Variants in STAU2 observed in about 807,000 individuals in gnomAD.
STAU2 encodes staufen double-stranded RNA binding protein 2.
A neutral mutation model predicts 65.9 loss-of-function variants in STAU2; 20 were observed. The ratio of observed to expected loss-of-function variants is 0.30; its 90% CI spans 0.21 to 0.44. The LOEUF is 0.44. STAU2 is among the 20% of genes least tolerant of loss of function. STAU2 has a pLI of 1.00. For missense variants in STAU2, 558 were observed against 683.9 expected, an observed-to-expected ratio of 0.82 and a Z score of 2.05; for synonymous variants, 232 against 233.9, an observed-to-expected ratio of 0.99 and a Z score of 0.07.
At chr8:73,666,320 C>T (rs1817240052) in intron 6 of STAU2, among the ~76,000 whole-genome samples, 1 of 152,128 alleles carries the variant, frequency 6.6e-6, no homozygotes, top group South Asian at 2.1e-4. Context: ...AGAATCTTGG[C>T]TATTATTAAT....
chr8:73,545,037 T>C (rs1431884141), intron 13 of STAU2, among the ~76,000 whole-genome samples: 1 of 152,226 alleles, frequency 6.6e-6, no homozygotes, highest in African/African-American at 2.4e-5. Context: ...AAATGTTCCA[T>C]GTCCTGTGCT....
At chr8:73,711,525 C>T (rs1820901226) in intron 3 of STAU2, among the ~76,000 whole-genome samples, 1 of 152,094 alleles carries the variant, frequency 6.6e-6, no homozygotes, top group African/African-American at 2.4e-5. Context: ...AGTAATGCTG[C>T]ATATTCATCT....
intron 4 of STAU2, among the ~76,000 whole-genome samples, chr8:73,706,625 G>C (rs1344437677): frequency 6.6e-6 from 1 of 152,092 alleles, no homozygotes; most frequent in Non-Finnish European, 1.5e-5. Flanking sequence ...TCAATATCAT[G>C]TTTCACTCAA....
intron 6 of STAU2, among the ~76,000 whole-genome samples, chr8:73,642,448 G>A (rs1201952987): frequency 3.3e-5 from 5 of 152,118 alleles, no homozygotes; most frequent in East Asian, 3.9e-4. Flanking sequence ...TCTTGAACCC[G>A]GGAGGCGGAG....
In STAU2 at chr8:73,627,211, GGGGGGGGGGGGA is replaced by G. The variant is rs777117611; in HGVS notation, c.411-9772_411-9761del. On this transcript the variant is annotated intron_variant, in intron 6 of 14. Transcript: ENST00000524300. ...GAGTGATGCTGCAGGAATACGGCGG[GGGGGGGGGGGGA>G]GGGGGGGGCAGGAGGGCGGGTTCCC... 0.017 allele frequency among the ~76,000 whole-genome samples: 776 copies of G among 45,060 alleles called. 139 individuals carry two copies. The East Asian group carries it at 0.23, about 13-fold the overall frequency. The allele number at this position is 45,060 out of a possible 152,430, so 29.6% of individuals were successfully genotyped here. A position where few individuals can be genotyped will look rare whatever the true frequency, so the allele number is the denominator to read the frequency against.
At chr8:73,438,486 T>A (rs560449653) in intron 13 of STAU2, among the ~76,000 whole-genome samples, 2 of 152,212 alleles carry the variant, frequency 1.3e-5, no homozygotes, top group Admixed American at 1.3e-4. Context: ...CCACTCAGAT[T>A]GGCTGCAGCC....
chr8:73,603,313 C>G (rs1811775713), intron 10 of STAU2, among the ~76,000 whole-genome samples: 1 of 152,158 alleles, frequency 6.6e-6, no homozygotes, highest in Non-Finnish European at 1.5e-5. Flanking sequence ...CTCTCTTTTT[C>G]TAACTTTCCT....
chr8:73,669,642 T>TCTCTCTCTCTCTCTCTCTCTCTCTCC (rs1328145636), intron 6 of STAU2, among the ~76,000 whole-genome samples: 9 of 142,584 alleles, frequency 6.3e-5, no homozygotes, highest in African/African-American at 2.4e-4. Flanking sequence ...TGGAATTCTC[T>TCTCTCTCTCTCTCTCTCTCTCTCTCC]CTCTCTCTCT....
intron 4 of STAU2, among the ~76,000 whole-genome samples, chr8:73,692,836 G>GA (rs1173810680): frequency 6.6e-6 from 1 of 152,064 alleles, no homozygotes; most frequent in African/African-American, 2.4e-5. Context: ...CGCTGGCGTG[G>GA]AAAAAAACCC....
At chr8:73,610,522 G>A (rs1169761787) in intron 9 of STAU2, among the ~76,000 whole-genome samples, 1 of 126,674 alleles carries the variant, frequency 7.9e-6, no homozygotes, top group Non-Finnish European at 1.6e-5. Flanking sequence ...TTGGGAGACA[G>A]AGTTAGACCC....
At chr8:73,630,389 C>G (rs565550770) in intron 6 of STAU2, among the ~76,000 whole-genome samples, 1 of 152,296 alleles carries the variant, frequency 6.6e-6, no homozygotes, top group African/African-American at 2.4e-5. Context: ...TTGGTAGAGA[C>G]AATATTGATA....
At chr8:73,529,606 C>T (rs968908048) in intron 13 of STAU2, among the ~76,000 whole-genome samples, 25 of 152,108 alleles carry the variant, frequency 1.6e-4, no homozygotes, top group East Asian at 1.9e-4. Flanking sequence ...CTTTAAACTT[C>T]GTTTCCATCA....
In STAU2 at chr8:73,699,663, C is replaced by G. The variant is rs974697272; in HGVS notation, c.114+9369G>C. On this transcript the variant is annotated intron_variant, in intron 4 of 14. Transcript: ENST00000524300. Reference sequence around the variant, plus strand: ...GCAGACCAATAACAAGTGAGGAGATCAAAGCAGTAATGAAAAGCTTCCCAG... The same window carrying G: ...GCAGACCAATAACAAGTGAGGAGATGAAAGCAGTAATGAAAAGCTTCCCAG... 2.0e-5 allele frequency among the ~76,000 whole-genome samples: 3 copies of G among 151,950 alleles called. No homozygotes were observed. In the South Asian group the frequency reaches 6.2e-4, roughly 32 times the overall value.
At chr8:73,526,165 C>T (rs1230676571) in intron 13 of STAU2, among the ~76,000 whole-genome samples, 1 of 152,194 alleles carries the variant, frequency 6.6e-6, no homozygotes, top group Non-Finnish European at 1.5e-5. Context: ...AGAATCATAA[C>T]AGCACTGGAA....
intron 7 of STAU2, among the ~76,000 whole-genome samples, chr8:73,616,200 T>C (rs1453365529): frequency 2.0e-5 from 3 of 152,152 alleles, no homozygotes; most frequent in Non-Finnish European, 2.9e-5. Context: ...AGCATCCTAA[T>C]TGGAGATCTA....
chr8:73,469,076 C>T (rs989556882), intron 13 of STAU2, among the ~76,000 whole-genome samples: 29 of 152,074 alleles, frequency 1.9e-4, no homozygotes, highest in African/African-American at 6.8e-4. Flanking sequence ...CAATGATAGA[C>T]TGGATTAAGA....
intron 13 of STAU2, among the ~76,000 whole-genome samples, chr8:73,462,271 T>A (rs1819403274): frequency 6.6e-6 from 1 of 151,956 alleles, no homozygotes; most frequent in Admixed American, 6.6e-5. Context: ...TTTCTTTTTT[T>A]TTAATAGAGA....
At chr8:73,494,309 G>C (rs546760965) in intron 13 of STAU2, among the ~76,000 whole-genome samples, 1 of 151,640 alleles carries the variant, frequency 6.6e-6, no homozygotes, top group Non-Finnish European at 1.5e-5. Context: ...CTTAAATAGA[G>C]AGATGAGGTG....
intron 13 of STAU2, among the ~76,000 whole-genome samples, chr8:73,501,630 T>C (rs1002362619): frequency 2.6e-5 from 4 of 151,960 alleles, no homozygotes; most frequent in Non-Finnish European, 5.9e-5. Flanking sequence ...GATGTTAATA[T>C]GTTTTCCTGG....
Sources: allele counts gnomAD v4.1 joint callset (sites outside exome capture counted in the v4.1 genomes callset), GRCh38; gene constraint gnomAD v4.1.1; transcripts MANE v1.5; gene names NCBI Gene and HGNC (gene_info 2026-07-23, HGNC 2026-07-21).